The following NSF variants were observed in gnomAD, a reference collection of about 807,000 sequenced individuals.
NSF encodes vesicle-fusing ATPase.
NSF carries 14 observed loss-of-function variants against 50.3 expected under a neutral mutation model. The observed-to-expected ratio is 0.28, with a 90% CI of 0.18 to 0.44. The LOEUF (loss-of-function observed/expected upper bound fraction) is 0.44, where lower values mean the gene tolerates loss of function less well. Ranked by LOEUF, NSF falls within the 20% of genes least tolerant of loss-of-function variation. The pLI is 1.00. For missense variants in NSF, 218 were observed against 504.3 expected (o/e 0.43, Z 5.44); for synonymous variants, 109 against 175.7 (o/e 0.62, Z 3.00).
chr17:46,621,091 A>T (rs1055489009), intron 1 of NSF, among the ~76,000 whole-genome samples: 1 of 105,518 alleles, frequency 9.5e-6, no homozygotes, highest in African/African-American at 4.1e-5. Context: ...GAGCAAGACT[A>T]TCTCTCAAAA....
chr17:46,649,469 A>C lies in NSF; in HGVS notation c.745+6210A>C, dbSNP rs200301911. Among the ~76,000 whole-genome samples, 6 of 152,172 alleles carry C rather than the reference A, an allele frequency of 3.9e-5. No homozygotes were observed. In the East Asian group the frequency reaches 7.7e-4, roughly 20 times the overall value. ...CTGACATTTGAGGAACTGGGCGTGAATTTGTTTTTAGTCTTCAAAAACCAT... is the reference window on the plus strand; with the variant it reads ...CTGACATTTGAGGAACTGGGCGTGACTTTGTTTTTAGTCTTCAAAAACCAT... On this transcript the variant is annotated intron_variant, in intron 8 of 20. Transcript: ENST00000398238.
chr17:46,735,965 G>A (rs2058999861), intron 17 of NSF, among the ~76,000 whole-genome samples: 1 of 152,036 alleles, frequency 6.6e-6, no homozygotes, highest in African/African-American at 2.4e-5. Context: ...ATTGCCTTTG[G>A]ATAGTCCACA....
chr17:46,720,742 CT>C (rs1272469833), intron 15 of NSF, among the ~76,000 whole-genome samples: 1 of 152,200 alleles, frequency 6.6e-6, no homozygotes, highest in Non-Finnish European at 1.5e-5. Context: ...TTTCTACTAA[CT>C]AGGTACTTCA....
chr17:46,707,566 C>G (rs1392685325), intron 13 of NSF, among the ~76,000 whole-genome samples: 1 of 152,116 alleles, frequency 6.6e-6, no homozygotes. Context: ...CACCTGGCAG[C>G]CACCATTCTA....
In NSF at chr17:46,642,310, T is replaced by A. The variant is rs1316976920; in HGVS notation, c.590-794T>A. On this transcript the variant is annotated intron_variant, in intron 7 of 20. Transcript: ENST00000398238. Reference sequence around the variant, plus strand: ...CTAATTAACATATCACCTCAAATATTTAGCATTTCTTAGGATAAACTTTTT... The same window carrying A: ...CTAATTAACATATCACCTCAAATATATAGCATTTCTTAGGATAAACTTTTT... Among the ~76,000 whole-genome samples, 2 of 110,124 alleles carry A rather than the reference T, an allele frequency of 1.8e-5. 1 individual carries two copies. The highest frequency in any genetic ancestry group is 6.7e-5 in the African/African-American group (2 of 29,874). 72.2% of individuals were successfully genotyped at this position (110,124 alleles called of 152,430 possible). A position where few individuals can be genotyped will look rare whatever the true frequency, so the allele number is the denominator to read the frequency against.
At chr17:46,733,401 T>C (rs1331567225) in intron 17 of NSF, among the ~76,000 whole-genome samples, 1 of 152,136 alleles carries the variant, frequency 6.6e-6, no homozygotes, top group African/African-American at 2.4e-5. Context: ...CTCCTTGGGC[T>C]GTAAAATGAC....
chr17:46,627,574 C>T (rs2058106597), intron 3 of NSF, among the ~76,000 whole-genome samples: 1 of 131,744 alleles, frequency 7.6e-6, no homozygotes, highest in Non-Finnish European at 1.7e-5. Context: ...ATCCTCTTCT[C>T]CCTTATCATT....
chr17:46,755,899 A>C lies in NSF; in HGVS notation c.*76A>C. On this transcript the variant is annotated 3_prime_UTR_variant, in exon 21 of 21. Coordinates refer to ENST00000398238, the MANE Select transcript of NSF (RefSeq NM_006178.4). ...GATGGCCTAGGATCTTCACTGTCTT[A>C]CTCAAGATACTGGACTAAGTGGAAC... 2.1e-6 allele frequency: 3 copies of C among 1,419,704 alleles called. No homozygotes were observed. The highest frequency in any genetic ancestry group is 3.0e-6 in the Non-Finnish European group (3 of 1,016,600). 87.9% of individuals were successfully genotyped at this position (1,419,704 alleles called of 1,614,324 possible).
At chr17:46,704,955 G>A (rs1340736822) in intron 13 of NSF, 101 bp downstream of exon 13, 2 of 1,126,532 alleles carry the variant, frequency 1.8e-6, no homozygotes, top group African/African-American at 1.7e-5. Context: ...GAAGGTTATA[G>A]CATATGCAGT....
chr17:46,752,902 G>A (rs902028878), intron 19 of NSF, among the ~76,000 whole-genome samples: 1 of 152,140 alleles, frequency 6.6e-6, no homozygotes. Flanking sequence ...GAGTAGCTGG[G>A]ATTACAGGCG....
At chr17:46,642,278 A>G (rs1474492105) in intron 7 of NSF, among the ~76,000 whole-genome samples, 1 of 111,728 alleles carries the variant, frequency 9.0e-6, no homozygotes, top group Non-Finnish European at 1.9e-5. Context: ...AGAATGATCA[A>G]ATCAGCCTAA....
At position 46,718,973 on chromosome 17, in the gene NSF, A is replaced by G. The variant is rs181039582; in HGVS notation, c.1761+4987A>G. On this transcript the variant is annotated intron_variant, in intron 15 of 20. Transcript: ENST00000398238. ...CATAGTGCTATCAAAACTCTTAGGT[A>G]AAAAATGCTCTTGGTTTTATAAAGC... Among the ~76,000 whole-genome samples the G allele has an allele frequency of 9.7e-4, 147 of 152,296 alleles. 1 individual carries two copies. The highest frequency in any genetic ancestry group is 3.5e-3 in the South Asian group (17 of 4,820).
intron 17 of NSF, among the ~76,000 whole-genome samples, chr17:46,736,899 C>T (rs1168588487): frequency 1.3e-5 from 2 of 152,216 alleles, no homozygotes; most frequent in Non-Finnish European, 2.9e-5. Flanking sequence ...TGGCACTTGG[C>T]TCAGTGCCAT....
Position 46,751,531 on chromosome 17 carries a change from G to C in NSF, c.2072G>C (p.Arg691Pro). The change falls in exon 19 of 21, where the codon CGC (arginine) becomes CCC (proline). Residue 691 changes from arginine (R) to proline (P), a missense_variant. Physicochemically the swap from Arg to Pro is moderately radical, Grantham distance 103. Transcript: ENST00000398238. Reference sequence around the variant, plus strand: ...TTGGGCAACTTCAAGGATAAGGAACGCACCACAATTGCACAGCAAGTCAAA... The same window carrying C: ...TTGGGCAACTTCAAGGATAAGGAACCCACCACAATTGCACAGCAAGTCAAA... ...ELLGNFKDKERTTIAQQVKGK... is the reference protein window; with the variant it reads ...ELLGNFKDKEPTTIAQQVKGK... 6.2e-7 allele frequency: 1 copy of C among 1,613,914 alleles called. No homozygotes were observed.
At chr17:46,678,990 C>T (rs2146209102) in intron 9 of NSF, among the ~76,000 whole-genome samples, 1 of 151,348 alleles carries the variant, frequency 6.6e-6, no homozygotes, top group East Asian at 1.9e-4. Context: ...AGTTGTGAAT[C>T]TCACAAATAA....
intron 1 of NSF, among the ~76,000 whole-genome samples, chr17:46,612,364 A>G (rs1489586545): frequency 4.0e-4 from 4 of 10,064 alleles, no homozygotes; most frequent in Non-Finnish European, 6.1e-4. Flanking sequence ...TAACTCAGCA[A>G]TTCTACTCCT....
At position 46,719,430 on chromosome 17, in the gene NSF, C is replaced by G. The variant is rs1023276965; in HGVS notation, c.1761+5444C>G. 2.0e-5 allele frequency among the ~76,000 whole-genome samples: 3 copies of G among 152,086 alleles called. No homozygotes were observed. The highest frequency in any genetic ancestry group is 1.5e-5 in the Non-Finnish European group (1 of 68,004). ...TTCACAAATGGATGGTGCTAAAATA[C>G]GTGAAAGTAGTTTATTCTCAATTAA... On this transcript the variant is annotated intron_variant, in intron 15 of 20. Coordinates refer to ENST00000398238, the MANE Select transcript of NSF (RefSeq NM_006178.4). The surrounding 1 kb of genome is among the most constrained non-coding windows in gnomAD (Gnocchi z 4.3).
At chr17:46,728,590 C>G (rs1017554223) in intron 16 of NSF, among the ~76,000 whole-genome samples, 6 of 151,070 alleles carry the variant, frequency 4.0e-5, no homozygotes, top group African/African-American at 1.5e-4. Context: ...ATAGCAAGAC[C>G]CTGTCTCAAA....
intron 15 of NSF, among the ~76,000 whole-genome samples, chr17:46,715,277 A>G (rs983707477): frequency 6.6e-6 from 1 of 152,234 alleles, no homozygotes; most frequent in Non-Finnish European, 1.5e-5. Flanking sequence ...TGTCCTTCCC[A>G]GGAAAATCTG....
Sources: gnomAD v4.1 joint callset for allele counts (sites outside exome capture counted in the v4.1 genomes callset) on GRCh38, gnomAD v4.1.1 for gene constraint, Gnocchi (gnomAD v3.1) non-coding constraint, MANE v1.5 for transcripts, NCBI Gene and HGNC (gene_info 2026-07-23, HGNC 2026-07-21) for gene names.